The following RUNX2 variants were observed in gnomAD, a reference collection of about 807,000 sequenced individuals.
RUNX2 encodes the protein runt-related transcription factor 2.
In RUNX2, 10 loss-of-function variants were observed where a neutral mutation model predicts 51.7. The ratio of observed to expected loss-of-function variants is 0.19; its 90% CI spans 0.12 to 0.33. The LOEUF is 0.33. Ranked by LOEUF, RUNX2 falls within the 10% of genes least tolerant of loss-of-function variation. The pLI, the probability that RUNX2 is intolerant of heterozygous loss-of-function variation, is 1.00. For missense variants in RUNX2, 562 were observed against 691.3 expected, an observed-to-expected ratio of 0.81 and a Z score of 2.10; for synonymous variants, 276 against 273.6, an observed-to-expected ratio of 1.01 and a Z score of -0.09.
chr6:45,523,599 G>A (rs1801574672), intron 7 of RUNX2, among the ~76,000 whole-genome samples: 2 of 151,374 alleles, frequency 1.3e-5, no homozygotes, highest in South Asian at 2.1e-4. Flanking sequence ...TAGCTCTTAG[G>A]TTTGTTAACA....
intron 8 of RUNX2, 68 bp from the exon 9 acceptor site, chr6:45,546,759 A>T: frequency 7.5e-7 from 1 of 1,338,294 alleles, no homozygotes; most frequent in Admixed American, 1.7e-5. Flanking sequence ...TTTTTCTTGT[A>T]ACAATTCTAT....
chr6:45,523,517 C>T (rs199913668), intron 7 of RUNX2, among the ~76,000 whole-genome samples: 25 of 152,074 alleles, frequency 1.6e-4, no homozygotes, highest in African/African-American at 5.8e-4. Context: ...GTGATCTACC[C>T]GCCTCGGCCT....
At chr6:45,392,005 T>C in intron 2 of RUNX2, among the ~76,000 whole-genome samples, 1 of 152,216 alleles carries the variant, frequency 6.6e-6, no homozygotes, top group Non-Finnish European at 1.5e-5. Flanking sequence ...CCAGTCCTCA[T>C]CTGCAGGCTC....
At chr6:45,365,190 G>A (rs1205820137) in intron 2 of RUNX2, 1 of 1,523,736 alleles carries the variant, frequency 6.6e-7, no homozygotes, top group East Asian at 2.3e-5. Context: ...AGCATGCAGG[G>A]ACATACTTAC....
At chr6:45,362,054 A>AAACAACAAC (rs375160471) in intron 2 of RUNX2, among the ~76,000 whole-genome samples, 1 of 151,938 alleles carries the variant, frequency 6.6e-6, no homozygotes, top group Admixed American at 6.6e-5. Flanking sequence ...TTCCTCTCAA[A>AAACAACAAC]AACAACAACA....
chr6:45,405,618 G>A (rs553998187), intron 2 of RUNX2, among the ~76,000 whole-genome samples: 118 of 152,212 alleles, frequency 7.8e-4, no homozygotes, highest in African/African-American at 2.3e-3. Flanking sequence ...GTGAAACCCC[G>A]TCTCTACTGA....
chr6:45,427,867 T>C (rs1798425798), intron 3 of RUNX2, among the ~76,000 whole-genome samples: 1 of 152,184 alleles, frequency 6.6e-6, no homozygotes, highest in Admixed American at 6.5e-5. Flanking sequence ...TCAATAGCAT[T>C]ACTACAGTTA....
Position 45,547,440 on chromosome 6 carries a change from C to A in RUNX2, c.*135C>A, listed in dbSNP as rs1245828656. The A allele has an allele frequency of 1.1e-5, 8 of 756,948 alleles. No individual in the cohort carries two copies. Among genetic ancestry groups the A allele is most frequent in the African/African-American group, 3.5e-5 (2 of 57,880 alleles). 46.9% of individuals were successfully genotyped at this position (756,948 alleles called of 1,614,324 possible). A position where few individuals can be genotyped will look rare whatever the true frequency, so the allele number is the denominator to read the frequency against. On this transcript the variant is annotated 3_prime_UTR_variant, in exon 9 of 9. Transcript: ENST00000647337. ...AGTGCCTATTTTTTAGAAGATTTTT[C>A]ATTCACTCACTCAGTCATGATCTTG... is the stretch of plus-strand genomic sequence containing the variant.
At chr6:45,496,142 G>T (rs1312285579) in intron 6 of RUNX2, among the ~76,000 whole-genome samples, 2 of 152,124 alleles carry the variant, frequency 1.3e-5, no homozygotes, top group Non-Finnish European at 2.9e-5. Flanking sequence ...TAGCAATAGA[G>T]TAAGGATATG....
rs1797507131 is a variant in RUNX2, at chr6:45,393,170, TC to T, written c.59-29422del. Among the ~76,000 whole-genome samples the T allele has an allele frequency of 3.3e-5, 5 of 152,352 alleles. No individual in the cohort carries two copies. In the South Asian group the frequency reaches 1.0e-3, roughly 32 times the overall value. ...ATTTTAGATTTCTAGTCTGATAATT[TC>T]AAAATCTCTGCTATATCTGAGTCTG... On this transcript the variant is annotated intron_variant, in intron 2 of 8. Coordinates refer to ENST00000647337, the MANE Select transcript of RUNX2 (RefSeq NM_001024630.4).
chr6:45,432,909 C>T (rs1283419078), intron 4 of RUNX2, among the ~76,000 whole-genome samples: 1 of 151,888 alleles, frequency 6.6e-6, no homozygotes, highest in African/African-American at 2.4e-5. Flanking sequence ...GAAAATAGAC[C>T]ACTTTAGAAC....
At chr6:45,456,826 C>CA (rs1799332217) in intron 5 of RUNX2, among the ~76,000 whole-genome samples, 1 of 152,176 alleles carries the variant, frequency 6.6e-6, no homozygotes, top group Admixed American at 6.5e-5. Context: ...GTAAAGCAGA[C>CA]AGAGAAGATG....
rs185254496 is a variant in RUNX2 at position 45,410,771 on chromosome 6, C to G, written c.59-11822C>G. 2.6e-5 allele frequency among the ~76,000 whole-genome samples: 4 copies of G among 152,240 alleles called. No individual in the cohort carries two copies. In the East Asian group the frequency reaches 7.7e-4, roughly 29 times the overall value. On this transcript the variant is annotated intron_variant, in intron 2 of 8. Coordinates refer to ENST00000647337, the MANE Select transcript of RUNX2 (RefSeq NM_001024630.4). ...AGGACTGTGCACCGAGCCTTGGGAA[C>G]CTACATGTTGCCCCTTGTCTTTCTT...
At chr6:45,519,498 T>C (rs1801432841) in intron 7 of RUNX2, among the ~76,000 whole-genome samples, 3 of 152,170 alleles carry the variant, frequency 2.0e-5, no homozygotes, top group Admixed American at 2.0e-4. Flanking sequence ...TAAGGAGTAG[T>C]TTCATTACCC....
chr6:45,486,163 A>G (rs1489993844), intron 5 of RUNX2, among the ~76,000 whole-genome samples: 3 of 152,154 alleles, frequency 2.0e-5, no homozygotes, highest in African/African-American at 7.2e-5. Context: ...CACTTCCTTA[A>G]TATTTAAAAA....
chr6:45,458,160 G>A (rs937508552), intron 5 of RUNX2, among the ~76,000 whole-genome samples: 8 of 151,938 alleles, frequency 5.3e-5, no homozygotes, highest in Non-Finnish European at 1.2e-4. Flanking sequence ...CTGAGTAGCT[G>A]GGATTACAGG....
At chr6:45,397,645 T>G (rs1288186586) in intron 2 of RUNX2, among the ~76,000 whole-genome samples, 1 of 152,198 alleles carries the variant, frequency 6.6e-6, no homozygotes, top group Admixed American at 6.5e-5. Flanking sequence ...TACTTATTAG[T>G]ATTTCAAAAA....
At chr6:45,540,211 C>T (rs576509919) in intron 7 of RUNX2, among the ~76,000 whole-genome samples, 2 of 152,296 alleles carry the variant, frequency 1.3e-5, no homozygotes, top group South Asian at 2.1e-4. Context: ...CTTTTCACCC[C>T]TTCATTACAG....
At chr6:45,375,126 G>A (rs1226749863) in intron 2 of RUNX2, among the ~76,000 whole-genome samples, 1 of 152,230 alleles carries the variant, frequency 6.6e-6, no homozygotes, top group Non-Finnish European at 1.5e-5. Flanking sequence ...AGAATCGCTT[G>A]AACCCAGGAG....
Sources: allele counts gnomAD v4.1 joint callset (sites outside exome capture counted in the v4.1 genomes callset), GRCh38; gene constraint gnomAD v4.1.1; transcripts MANE v1.5; gene names NCBI Gene and HGNC (gene_info 2026-07-23, HGNC 2026-07-21).